FAM149A: variants seen among roughly 807,000 people sequenced by gnomAD.
FAM149A encodes protein FAM149A.
FAM149A carries 71 observed loss-of-function variants against 78.2 expected under a neutral mutation model. The ratio of observed to expected loss-of-function variants is 0.91; its 90% CI spans 0.75 to 1.11. The LOEUF is 1.11. Among genes scored for constraint, FAM149A ranks in the 50% least tolerant of loss-of-function variants. The pLI is 0.00. For synonymous variants in FAM149A, 446 were observed against 410.5 expected (o/e 1.09, Z -1.04); for missense variants, 1,036 against 971.0 (o/e 1.07, Z -0.89).
rs749033602 is a variant in FAM149A at position 186,162,833 on chromosome 4, T to TTA, written c.1576-12_1576-11insTA. 6.1e-6 allele frequency: 5 copies of TTA among 821,794 alleles called. No homozygotes were observed. Among genetic ancestry groups the TTA allele is most frequent in the African/African-American group, 1.8e-5 (1 of 54,906 alleles). The allele number at this position is 821,794 out of a possible 1,614,324, so 50.9% of individuals were successfully genotyped here. ...TTCTTTTTTTTTTTTTTTTTTTTTT[T>TTA]ACTGTTCTCAGATTCATCACTTCTC... On this transcript the variant is annotated splice_polypyrimidine_tract_variant and intron_variant, in intron 8 of 13. Transcript: ENST00000389354.
chr4:186,170,045 C>T, intron 13 of FAM149A: 1 of 647,402 alleles, frequency 1.5e-6, no homozygotes, highest in Non-Finnish European at 1.9e-6. Flanking sequence ...ATGTCCAGGC[C>T]CCCTCAGGAT....
chr4:186,151,550 GTGT>G (rs1349519221), intron 3 of FAM149A, among the ~76,000 whole-genome samples: 1 of 152,218 alleles, frequency 6.6e-6, no homozygotes, highest in Non-Finnish European at 1.5e-5. Flanking sequence ...GGAGCTGCCT[GTGT>G]TTGCAGACAT....
At chr4:186,169,821 T>C in intron 13 of FAM149A, 1 of 985,436 alleles carries the variant, frequency 1.0e-6, no homozygotes, top group Non-Finnish European at 1.2e-6. Context: ...GAACGGTCCA[T>C]GCCAGTCATC....
chr4:186,137,322 G>A (rs1409970945), intron 1 of FAM149A, among the ~76,000 whole-genome samples: 3 of 151,912 alleles, frequency 2.0e-5, no homozygotes, highest in Non-Finnish European at 4.4e-5. Context: ...GTGGTGGTGT[G>A]AGGTTTACGA....
At chr4:186,131,870 A>C in intron 1 of FAM149A, 1 of 982,956 alleles carries the variant, frequency 1.0e-6, no homozygotes, top group Non-Finnish European at 1.2e-6. Flanking sequence ...AACTTCTGTT[A>C]ATCAAAACAG....
At chr4:186,124,390 C>A (rs1264889687) in intron 1 of FAM149A, 1 of 275,822 alleles carries the variant, frequency 3.6e-6, no homozygotes, top group Non-Finnish European at 5.5e-6. Context: ...TTAGGTATAT[C>A]TCCTAATGCT....
At chr4:186,118,970 T>G (rs1039681252) in intron 1 of FAM149A, among the ~76,000 whole-genome samples, 1 of 152,172 alleles carries the variant, frequency 6.6e-6, no homozygotes, top group Non-Finnish European at 1.5e-5. Context: ...AACCTTTGGA[T>G]CATTCAATGT....
intron 1 of FAM149A, among the ~76,000 whole-genome samples, chr4:186,121,790 T>C (rs980810008): frequency 6.6e-6 from 1 of 152,244 alleles, no homozygotes; most frequent in Non-Finnish European, 1.5e-5. Flanking sequence ...GTTGAAGTTC[T>C]GCTTCTGCTC....
intron 4 of FAM149A, 192 bp from the exon 5 acceptor site, chr4:186,153,453 C>A: frequency 1.0e-5 from 10 of 985,396 alleles, no homozygotes; most frequent in Non-Finnish European, 1.2e-5. Context: ...TTGCCTGAGA[C>A]TGAGTCAGTG....
At chr4:186,119,374 A>G (rs2099315040) in intron 1 of FAM149A, among the ~76,000 whole-genome samples, 1 of 152,198 alleles carries the variant, frequency 6.6e-6, no homozygotes, top group Non-Finnish European at 1.5e-5. Context: ...TCTGAAAAGC[A>G]CAGAAACAAA....
chr4:186,109,483 G>A (rs1039619431), intron 1 of FAM149A: 36 of 985,132 alleles, frequency 3.7e-5, no homozygotes, highest in Non-Finnish European at 4.2e-5. Context: ...CTGTAGACCC[G>A]GAAACCAGAC....
chr4:186,158,644 C>A, intron 8 of FAM149A: 1 of 1,083,844 alleles, frequency 9.2e-7, no homozygotes, highest in South Asian at 2.6e-5. Context: ...CACTGCCGCC[C>A]AGGTTGAGGG....
At chr4:186,160,630 C>A (rs376063500) in intron 8 of FAM149A, among the ~76,000 whole-genome samples, 2 of 149,656 alleles carry the variant, frequency 1.3e-5, no homozygotes, top group Non-Finnish European at 3.0e-5. Flanking sequence ...ACCCACAACA[C>A]ACCACACATG....
In FAM149A at chr4:186,164,107, G is replaced by T. The variant is rs916531380; in HGVS notation, c.1889+474G>T. Among the ~76,000 whole-genome samples, 1 of 152,172 alleles carries T rather than the reference G, an allele frequency of 6.6e-6. No homozygotes were observed. Among genetic ancestry groups the T allele is most frequent in the African/African-American group, 2.4e-5 (1 of 41,444 alleles). The stretch of plus-strand genomic sequence containing the variant: ...AGGATTCACATCCCGTCATGGCCTC[G>T]TTAGAAAGGTGCCTGTCTCTTGCCC... On this transcript the variant is annotated intron_variant, in intron 10 of 13. Transcript: ENST00000389354. This position sits in a 1 kb window ranked among gnomAD's most constrained non-coding sequence, Gnocchi z 4.0.
intron 1 of FAM149A, among the ~76,000 whole-genome samples, chr4:186,106,721 G>T (rs1378001345): frequency 1.3e-5 from 2 of 152,204 alleles, no homozygotes; most frequent in African/African-American, 4.8e-5. Context: ...GCCGAGGCGG[G>T]CGGATCATGA....
At chr4:186,126,602 T>C (rs1241356368) in intron 1 of FAM149A, among the ~76,000 whole-genome samples, 1 of 152,130 alleles carries the variant, frequency 6.6e-6, no homozygotes, top group Non-Finnish European at 1.5e-5. Context: ...GTTTGGGTCT[T>C]TAGACTCCAG....
chr4:186,110,146 G>T (rs2099310599), intron 1 of FAM149A: 1 of 985,234 alleles, frequency 1.0e-6, no homozygotes, highest in Admixed American at 6.2e-5. Flanking sequence ...AAGACATTTA[G>T]CAAATATTTA....
Position 186,162,276 on chromosome 4 carries a change from C to G in FAM149A, c.1576-569C>G, listed in dbSNP as rs545041165. Among the ~76,000 whole-genome samples the G allele has an allele frequency of 7.9e-5, 12 of 152,284 alleles. No homozygotes were observed. In the East Asian group the frequency reaches 2.3e-3, roughly 29 times the overall value. On this transcript the variant is annotated intron_variant, in intron 8 of 13. Transcript: ENST00000389354. ...CTTTCGAGGGTCCAGGCCATCTCAC[C>G]GCTTCTGGGAAGAGAACCCAGGCAA...
In FAM149A at chr4:186,105,462, C is replaced by G; in HGVS notation, c.386C>G (p.Pro129Arg). Reference sequence around the variant, plus strand: ...GCTCGCCTGGTGGTCCCAGCGCGGCCGCCCTCGGGCCCCGGCGGGGTCTGG... The same window carrying G: ...GCTCGCCTGGTGGTCCCAGCGCGGCGGCCCTCGGGCCCCGGCGGGGTCTGG... The change falls in exon 1 of 14, where the codon CCG becomes CGG. Residue 129 changes from proline (P) to arginine (R), a missense_variant. Transcript: ENST00000389354. 1 of 1,214,484 alleles carries G rather than the reference C, an allele frequency of 8.2e-7. No individual in the cohort carries two copies. Among genetic ancestry groups the G allele is most frequent in the Non-Finnish European group, 1.0e-6 (1 of 958,076 alleles). The allele number at this position is 1,214,484 out of a possible 1,614,324, so 75.2% of individuals were successfully genotyped here.
Sources: allele counts gnomAD v4.1 joint callset (sites outside exome capture counted in the v4.1 genomes callset), GRCh38; gene constraint gnomAD v4.1.1; non-coding constraint Gnocchi (gnomAD v3.1); transcripts MANE v1.5; gene names NCBI Gene and HGNC (gene_info 2026-07-23, HGNC 2026-07-21).